The following MAGI2 variants were observed in gnomAD, a reference collection of about 807,000 sequenced individuals.
MAGI2 encodes the protein membrane-associated guanylate kinase, WW and PDZ domain-containing protein 2.
Under a neutral mutation model 133.3 loss-of-function variants are expected in MAGI2, and 35 were observed. The ratio of observed to expected loss-of-function variants is 0.26; its 90% CI spans 0.20 to 0.35. The LOEUF is 0.35. MAGI2 is among the 10% of genes least tolerant of loss of function. The pLI, the probability that MAGI2 is intolerant of heterozygous loss-of-function variation, is 1.00. For missense variants in MAGI2, 1,636 were observed against 1,863.4 expected, an observed-to-expected ratio of 0.88 and a Z score of 2.25; for synonymous variants, 729 against 710.6, an observed-to-expected ratio of 1.03 and a Z score of -0.41.
chr7:79,420,811 T>C (rs1224376685), intron 1 of MAGI2, among the ~76,000 whole-genome samples: 2 of 152,034 alleles, frequency 1.3e-5, no homozygotes, highest in East Asian at 3.9e-4. Flanking sequence ...GCCTTTACTC[T>C]GACATCATAT....
At chr7:78,557,080 CAAAAAAA>C (rs796371005) in intron 3 of MAGI2, among the ~76,000 whole-genome samples, 10 of 40,952 alleles carry the variant, frequency 2.4e-4, no homozygotes, top group Non-Finnish European at 4.4e-4. Context: ...GGCAGAGTCT[CAAAAAAA>C]AAAAAAAAAA....
chr7:78,565,826 C>T (rs181288185), intron 3 of MAGI2, among the ~76,000 whole-genome samples: 161 of 152,268 alleles, frequency 1.1e-3, no homozygotes, highest in Non-Finnish European at 1.7e-3. Flanking sequence ...ACATTTATTT[C>T]TTCATGCAGT....
chr7:79,043,610 A>T (rs1255225684), intron 1 of MAGI2, among the ~76,000 whole-genome samples: 1 of 151,752 alleles, frequency 6.6e-6, no homozygotes, highest in Non-Finnish European at 1.5e-5. Context: ...CAAAACCAAA[A>T]GTTGGTCTTT....
intron 1 of MAGI2, among the ~76,000 whole-genome samples, chr7:79,181,535 AT>A (rs879528430): frequency 6.6e-6 from 1 of 151,278 alleles, no homozygotes; most frequent in Admixed American, 6.6e-5. Context: ...CCACAAAACT[AT>A]TTTTTCCCCC....
intron 7 of MAGI2, chr7:78,359,215 T>C (rs1011608946): frequency 1.3e-5 from 2 of 152,216 alleles, no homozygotes; most frequent in African/African-American, 2.4e-5. Context: ...GGAACATTAA[T>C]TGGAGGGAGC....
intron 1 of MAGI2, among the ~76,000 whole-genome samples, chr7:79,449,893 T>C (rs1248647233): frequency 6.8e-6 from 1 of 147,700 alleles, no homozygotes; most frequent in Non-Finnish European, 1.5e-5. Context: ...TATATATATA[T>C]ATATAATGTC....
intron 2 of MAGI2, among the ~76,000 whole-genome samples, chr7:78,822,137 A>G (rs1790180615): frequency 6.6e-6 from 1 of 152,060 alleles, no homozygotes; most frequent in Admixed American, 6.5e-5. Context: ...ATTTAAAAAG[A>G]TCGATTCCCA....
At chr7:78,510,869 A>G (rs1795501971) in intron 4 of MAGI2, among the ~76,000 whole-genome samples, 1 of 152,122 alleles carries the variant, frequency 6.6e-6, no homozygotes, top group African/African-American at 2.4e-5. Context: ...CCAATTTTAT[A>G]CTGGTCCAAA....
intron 9 of MAGI2, among the ~76,000 whole-genome samples, chr7:78,331,171 G>A (rs2151151089): frequency 6.6e-6 from 1 of 152,216 alleles, no homozygotes; most frequent in Middle Eastern, 3.4e-3. Context: ...GGGTACATAT[G>A]GATATAAAGA....
intron 2 of MAGI2, among the ~76,000 whole-genome samples, chr7:78,924,102 A>T (rs1304161450): frequency 6.6e-6 from 1 of 151,682 alleles, no homozygotes; most frequent in African/African-American, 2.4e-5. Flanking sequence ...GGGCTGAGAC[A>T]ATGGGGTTTT....
At chr7:79,191,398 C>CTTTCT (rs1827645271) in intron 1 of MAGI2, among the ~76,000 whole-genome samples, 1 of 45,514 alleles carries the variant, frequency 2.2e-5, no homozygotes, top group Non-Finnish European at 4.5e-5. Context: ...TTTTCTTTTT[C>CTTTCT]TTTCTTTTTT....
chr7:78,035,728 T>A (rs896769600), intron 21 of MAGI2, among the ~76,000 whole-genome samples: 1 of 150,396 alleles, frequency 6.6e-6, no homozygotes, highest in African/African-American at 2.5e-5. Context: ...TTATTTGACA[T>A]CTAATCATGG....
At chr7:78,463,048 A>G (rs910129096) in intron 6 of MAGI2, among the ~76,000 whole-genome samples, 1 of 152,230 alleles carries the variant, frequency 6.6e-6, no homozygotes, top group African/African-American at 2.4e-5. Context: ...GTTAAATGGC[A>G]GCTTATAAAA....
chr7:78,692,511 A>G (rs1021378252), intron 2 of MAGI2, among the ~76,000 whole-genome samples: 5 of 151,996 alleles, frequency 3.3e-5, no homozygotes, highest in African/African-American at 9.7e-5. Context: ...CTCTCGTTTC[A>G]TTTTAAGTCT....
intron 20 of MAGI2, among the ~76,000 whole-genome samples, chr7:78,082,902 C>T (rs1243130989): frequency 6.6e-6 from 1 of 152,050 alleles, no homozygotes; most frequent in Admixed American, 6.5e-5. Flanking sequence ...ATTTTCATTC[C>T]AATATCAGTA....
At chr7:78,151,534 A>G (rs888053127) in intron 16 of MAGI2, among the ~76,000 whole-genome samples, 6 of 152,046 alleles carry the variant, frequency 3.9e-5, no homozygotes, top group African/African-American at 1.4e-4. Context: ...ATGTAAGATG[A>G]CCGGGGCTGG....
intron 2 of MAGI2, among the ~76,000 whole-genome samples, chr7:78,663,529 T>A (rs1182034182): frequency 6.6e-6 from 1 of 152,142 alleles, no homozygotes; most frequent in Non-Finnish European, 1.5e-5. Flanking sequence ...TTTCTGGCTT[T>A]GAACAACTTT....
intron 2 of MAGI2, among the ~76,000 whole-genome samples, chr7:78,888,225 G>T (rs534780387): frequency 1.3e-5 from 2 of 152,186 alleles, no homozygotes; most frequent in African/African-American, 4.8e-5. Context: ...TAAACAAAGC[G>T]GCCAGGAAGC....
chr7:78,919,011 T>A (rs1400768891), intron 2 of MAGI2, among the ~76,000 whole-genome samples: 1 of 152,128 alleles, frequency 6.6e-6, no homozygotes, highest in African/African-American at 2.4e-5. Context: ...TCTGATGCAA[T>A]AGTTGTCCCT....
Sources: allele counts gnomAD v4.1 joint callset (sites outside exome capture counted in the v4.1 genomes callset), GRCh38; gene constraint gnomAD v4.1.1; transcripts MANE v1.5; gene names NCBI Gene and HGNC (gene_info 2026-07-23, HGNC 2026-07-21).